Variants in METAP1 observed in about 807,000 individuals in gnomAD.
METAP1 encodes methionyl aminopeptidase 1.
In METAP1, 28 loss-of-function variants were observed where a neutral mutation model predicts 53.8. The observed-to-expected ratio is 0.52, with a 90% CI of 0.39 to 0.71. METAP1 has a LOEUF of 0.71. Ranked by LOEUF, METAP1 falls within the 30% of genes least tolerant of loss-of-function variation. The probability of loss-of-function intolerance (pLI) is 0.00; values close to 1 mark genes in which losing one functional copy is unlikely to be tolerated. For missense variants in METAP1, 389 were observed against 479.8 expected, an observed-to-expected ratio of 0.81 and a Z score of 1.77; for synonymous variants, 181 against 165.7, an observed-to-expected ratio of 1.09 and a Z score of -0.71.
chr4:99,032,003 A>G (rs951065732), intron 2 of METAP1, among the ~76,000 whole-genome samples: 2 of 152,198 alleles, frequency 1.3e-5, no homozygotes, highest in African/African-American at 2.4e-5. Flanking sequence ...TACCATCATC[A>G]GCTCAATTCA....
At chr4:99,025,002 A>G (rs771202733) in intron 1 of METAP1, among the ~76,000 whole-genome samples, 1 of 152,216 alleles carries the variant, frequency 6.6e-6, no homozygotes, top group Non-Finnish European at 1.5e-5. Flanking sequence ...TGCAGTTCAA[A>G]ATAGAGTTTG....
intron 2 of METAP1, among the ~76,000 whole-genome samples, chr4:99,031,966 A>G (rs1263504359): frequency 4.6e-5 from 7 of 152,202 alleles, no homozygotes; most frequent in African/African-American, 9.7e-5. Context: ...AGTCTTTTCA[A>G]AAAGACTAGT....
rs1725562227 is a variant in METAP1 at position 99,038,069 on chromosome 4, T to G, written c.341-1305T>G. ...TCATCTTTTTAGTTGTTTTTGTACA[T>G]AATAGCTTCTGTATTTTTTAGCTGA... On this transcript the variant is annotated intron_variant, in intron 4 of 10. Coordinates refer to ENST00000296411, the MANE Select transcript of METAP1 (RefSeq NM_015143.3). 2.0e-5 allele frequency: 3 copies of G among 152,012 alleles called. No homozygotes were observed. In the South Asian group the frequency reaches 6.2e-4, roughly 31 times the overall value. 9.4% of individuals were successfully genotyped at this position (152,012 alleles called of 1,614,324 possible). A position where few individuals can be genotyped will look rare whatever the true frequency, so the allele number is the denominator to read the frequency against.
intron 1 of METAP1, among the ~76,000 whole-genome samples, chr4:99,019,093 A>C (rs777494603): frequency 6.6e-6 from 1 of 152,200 alleles, no homozygotes; most frequent in Non-Finnish European, 1.5e-5. Context: ...ATGGAAATTG[A>C]ATATTAGCTG....
chr4:99,058,769 T>C (rs1727327414), intron 10 of METAP1, among the ~76,000 whole-genome samples: 1 of 152,236 alleles, frequency 6.6e-6, no homozygotes, highest in Non-Finnish European at 1.5e-5. Flanking sequence ...AGGGCCTGCA[T>C]GCCAGGAGGC....
intron 5 of METAP1, 127 bp downstream of exon 5, chr4:99,039,592 T>A (rs1725698506): frequency 1.7e-6 from 1 of 575,790 alleles, no homozygotes; most frequent in South Asian, 3.0e-5. Context: ...ATGCTTTTTT[T>A]TTTTTTTTAA....
chr4:99,028,808 C>A, intron 1 of METAP1, 59 bp from the exon 2 acceptor site: 2 of 1,270,096 alleles, frequency 1.6e-6, no homozygotes, highest in Non-Finnish European at 2.2e-6. Context: ...TACAATATTC[C>A]TTAAAATGTT....
intron 7 of METAP1, among the ~76,000 whole-genome samples, chr4:99,044,206 G>T (rs1032932562): frequency 6.6e-6 from 1 of 152,110 alleles, no homozygotes; most frequent in African/African-American, 2.4e-5. Context: ...GGGATTACAG[G>T]CATGAGCCAC....
intron 9 of METAP1, among the ~76,000 whole-genome samples, chr4:99,053,203 G>C (rs751325241): frequency 3.3e-5 from 5 of 152,152 alleles, no homozygotes; most frequent in Non-Finnish European, 5.9e-5. Flanking sequence ...TTCCTCTCAT[G>C]CATCACACAA....
intron 4 of METAP1, among the ~76,000 whole-genome samples, chr4:99,038,365 T>G (rs1725589265): frequency 6.6e-6 from 1 of 152,026 alleles, no homozygotes; most frequent in African/African-American, 2.4e-5. Context: ...GGTTCTCAGT[T>G]TGAGATTTAT....
At chr4:99,047,095 G>C (rs1437787773) in intron 8 of METAP1, among the ~76,000 whole-genome samples, 1 of 152,090 alleles carries the variant, frequency 6.6e-6, no homozygotes, top group Non-Finnish European at 1.5e-5. Context: ...GAATTCCTTT[G>C]TATATATCAT....
Position 99,028,916 on chromosome 4 carries a change from C to A in METAP1, c.164C>A (p.Ala55Glu). 1 of 1,537,472 alleles carries A rather than the reference C, an allele frequency of 6.5e-7. No individual in the cohort carries two copies. Among genetic ancestry groups the A allele is most frequent in the Non-Finnish European group, 8.8e-7 (1 of 1,137,442 alleles). The change falls in exon 2 of 11, where the codon GCA (alanine) becomes GAA (glutamate). Residue 55 changes from alanine to glutamate, a missense_variant and splice_region_variant. Transcript: ENST00000296411. The part of the protein sequence containing the change: ...WATHKLLHKK[A>E]KDEKAKREVS... ...ACTCACAAGTTACTACATAAGAAAGCAAGTAAGTACAATCACAAATTTTTA... is the reference window on the plus strand; with the variant it reads ...ACTCACAAGTTACTACATAAGAAAGAAAGTAAGTACAATCACAAATTTTTA...
chr4:99,049,048 C>A (rs371953301), intron 9 of METAP1, among the ~76,000 whole-genome samples, 172 bp downstream of exon 9: 25 of 152,298 alleles, frequency 1.6e-4, no homozygotes, highest in African/African-American at 5.5e-4. Flanking sequence ...GTATCTTACT[C>A]ACATAATAGT....
At chr4:99,023,910 T>A in intron 1 of METAP1, 1 of 497,004 alleles carries the variant, frequency 2.0e-6, no homozygotes, top group Non-Finnish European at 2.6e-6. Flanking sequence ...GTGTGGGAGA[T>A]GGGAGTTTTA....
At chr4:99,057,925 C>A in intron 10 of METAP1, 107 bp downstream of exon 10, 1 of 893,126 alleles carries the variant, frequency 1.1e-6, no homozygotes, top group South Asian at 1.6e-5. Context: ...GCTTCCTACT[C>A]ACTCCCTGTC....
intron 1 of METAP1, among the ~76,000 whole-genome samples, chr4:99,000,116 A>G (rs964370858): frequency 7.2e-5 from 11 of 152,220 alleles, no homozygotes; most frequent in Admixed American, 4.6e-4. Context: ...CTGTATTTAC[A>G]TTATCCTTTG....
At chr4:99,010,040 T>C (rs550371110) in intron 1 of METAP1, among the ~76,000 whole-genome samples, 1 of 152,364 alleles carries the variant, frequency 6.6e-6, no homozygotes, top group African/African-American at 2.4e-5. Flanking sequence ...TAATCTCTTT[T>C]GAGTTAATTT....
At chr4:99,023,106 G>A in intron 1 of METAP1, 1 of 1,088,892 alleles carries the variant, frequency 9.2e-7, no homozygotes, top group East Asian at 3.1e-5. Context: ...CTCTGTTGCG[G>A]CCTTCTCCGA....
chr4:99,019,432 T>C (rs1723958766), intron 1 of METAP1, among the ~76,000 whole-genome samples: 1 of 152,198 alleles, frequency 6.6e-6, no homozygotes, highest in African/African-American at 2.4e-5. Context: ...TAAAATGGCC[T>C]GTTTTTCCAC....
Sources: gnomAD v4.1 joint callset for allele counts (sites outside exome capture counted in the v4.1 genomes callset) on GRCh38, gnomAD v4.1.1 for gene constraint, MANE v1.5 for transcripts, NCBI Gene and HGNC (gene_info 2026-07-23, HGNC 2026-07-21) for gene names.